The following TAFA2 variants were observed in gnomAD, a reference collection of about 807,000 sequenced individuals.
TAFA2 encodes chemokine-like protein TAFA-2.
Under a neutral mutation model 18.8 loss-of-function variants are expected in TAFA2, and 7 were observed. That is an observed-to-expected ratio of 0.37 (90% CI 0.21 to 0.70). TAFA2 has a LOEUF of 0.70. Ranked by LOEUF, TAFA2 falls within the 30% of genes least tolerant of loss-of-function variation. TAFA2 has a pLI of 0.53. For synonymous variants in TAFA2, 60 were observed against 54.2 expected, an observed-to-expected ratio of 1.11 and a Z score of -0.47; for missense variants, 122 against 158.1, an observed-to-expected ratio of 0.77 and a Z score of 1.23.
chr12:61,843,574 G>A (rs1873280033), intron 2 of TAFA2, among the ~76,000 whole-genome samples: 1 of 152,032 alleles, frequency 6.6e-6, no homozygotes, highest in African/African-American at 2.4e-5. Flanking sequence ...CTGGAAAAAA[G>A]AGATCTCAAA....
intron 1 of TAFA2, among the ~76,000 whole-genome samples, chr12:62,120,486 T>G (rs1030339054): frequency 4.6e-5 from 7 of 152,232 alleles, no homozygotes; most frequent in Non-Finnish European, 8.8e-5. Flanking sequence ...AACATTGGCA[T>G]AGAAAATGTT....
chr12:62,024,216 T>A (rs992534944), intron 1 of TAFA2, among the ~76,000 whole-genome samples: 6 of 152,194 alleles, frequency 3.9e-5, no homozygotes, highest in African/African-American at 1.4e-4. Flanking sequence ...ATTTTCTGTG[T>A]ATTCTTGATA....
chr12:61,738,694 G>C (rs562158248), intron 4 of TAFA2, among the ~76,000 whole-genome samples: 13 of 152,126 alleles, frequency 8.5e-5, no homozygotes, highest in Admixed American at 3.9e-4. Flanking sequence ...CCATGTCTGA[G>C]GCCAGGTGGA....
At chr12:61,911,696 G>T (rs1471135061) in intron 1 of TAFA2, among the ~76,000 whole-genome samples, 1 of 152,112 alleles carries the variant, frequency 6.6e-6, no homozygotes, top group Non-Finnish European at 1.5e-5. Flanking sequence ...CGGAAAGGAA[G>T]CATCAGGTCT....
intron 1 of TAFA2, among the ~76,000 whole-genome samples, chr12:62,156,171 A>G (rs559113368): frequency 6.6e-6 from 1 of 152,312 alleles, no homozygotes; most frequent in African/African-American, 2.4e-5. Context: ...AGATATACAA[A>G]TGGCCAACAA....
intron 1 of TAFA2, among the ~76,000 whole-genome samples, chr12:62,014,190 A>G (rs1216221584): frequency 1.3e-5 from 2 of 152,230 alleles, no homozygotes; most frequent in African/African-American, 4.8e-5. Flanking sequence ...TTATAAAGCT[A>G]CATCCTCAAG....
chr12:62,203,067 T>G (rs528494501), intron 1 of TAFA2, among the ~76,000 whole-genome samples: 1 of 152,060 alleles, frequency 6.6e-6, no homozygotes, highest in Non-Finnish European at 1.5e-5. Flanking sequence ...CCTCAAGTGA[T>G]TCACCCACCT....
At chr12:62,254,309 G>A (rs1405712523) in intron 1 of TAFA2, among the ~76,000 whole-genome samples, 2 of 152,166 alleles carry the variant, frequency 1.3e-5, no homozygotes, top group African/African-American at 2.4e-5. Flanking sequence ...TATAAAAGAA[G>A]TCTAGTATCA....
At chr12:61,941,970 C>T (rs1270160019) in intron 1 of TAFA2, among the ~76,000 whole-genome samples, 1 of 152,086 alleles carries the variant, frequency 6.6e-6, no homozygotes, top group East Asian at 1.9e-4. Context: ...GGAGGCCTGC[C>T]TGCCTCTGTA....
intron 1 of TAFA2, among the ~76,000 whole-genome samples, chr12:61,926,670 T>C (rs148960236): frequency 1.6e-4 from 25 of 152,256 alleles, no homozygotes; most frequent in African/African-American, 6.0e-4. Context: ...AAACTCTCAA[T>C]AAATTAGGTA....
intron 4 of TAFA2, among the ~76,000 whole-genome samples, chr12:61,719,521 C>T (rs921492964): frequency 6.6e-6 from 1 of 152,160 alleles, no homozygotes; most frequent in Non-Finnish European, 1.5e-5. Flanking sequence ...CCCCAACCAA[C>T]AGTAGCAAGC....
At chr12:61,989,604 C>T (rs1592533284) in intron 1 of TAFA2, among the ~76,000 whole-genome samples, 1 of 152,254 alleles carries the variant, frequency 6.6e-6, no homozygotes, top group East Asian at 1.9e-4. Context: ...AGGGCCCGCT[C>T]ACGGCTTGTT....
intron 2 of TAFA2, among the ~76,000 whole-genome samples, chr12:61,806,253 T>C (rs1176779872): frequency 6.6e-6 from 1 of 152,218 alleles, no homozygotes; most frequent in Non-Finnish European, 1.5e-5. Flanking sequence ...AACTGAATCA[T>C]GGGGTCAGGT....
At chr12:62,148,299 G>A (rs1384534054) in intron 1 of TAFA2, among the ~76,000 whole-genome samples, 1 of 152,198 alleles carries the variant, frequency 6.6e-6, no homozygotes, top group Non-Finnish European at 1.5e-5. Context: ...TAAACCAGGT[G>A]CCCATCAATG....
At chr12:62,188,408 C>T (rs1057237774) in intron 1 of TAFA2, among the ~76,000 whole-genome samples, 24 of 152,260 alleles carry the variant, frequency 1.6e-4, no homozygotes, top group Admixed American at 1.5e-3. Context: ...TTCATCTTTT[C>T]AAATATATTA....
At chr12:61,994,006 T>G (rs947077982) in intron 1 of TAFA2, among the ~76,000 whole-genome samples, 1 of 152,176 alleles carries the variant, frequency 6.6e-6, no homozygotes, top group African/African-American at 2.4e-5. Flanking sequence ...GATCCTGCTC[T>G]CTACATACTA....
At chr12:62,073,900 T>C (rs576664455) in intron 1 of TAFA2, among the ~76,000 whole-genome samples, 1 of 152,322 alleles carries the variant, frequency 6.6e-6, no homozygotes, top group Admixed American at 6.5e-5. Flanking sequence ...TGAGATGAAA[T>C]AGCCCTCACA....
intron 1 of TAFA2, among the ~76,000 whole-genome samples, chr12:62,173,330 T>C (rs2062491556): frequency 6.6e-6 from 1 of 152,090 alleles, no homozygotes; most frequent in Non-Finnish European, 1.5e-5. Context: ...GAGAATCACT[T>C]GAACCCAGGA....
intron 1 of TAFA2, among the ~76,000 whole-genome samples, chr12:62,013,439 C>T (rs895194285): frequency 2.6e-5 from 4 of 152,216 alleles, no homozygotes; most frequent in African/African-American, 9.6e-5. Context: ...AGACTTCCCA[C>T]TGCTAATGGG....
Sources: gnomAD v4.1 joint callset for allele counts (sites outside exome capture counted in the v4.1 genomes callset) on GRCh38, gnomAD v4.1.1 for gene constraint, MANE v1.5 for transcripts, NCBI Gene and HGNC (gene_info 2026-07-23, HGNC 2026-07-21) for gene names.